The following GPATCH2 variants were observed in gnomAD, a reference collection of about 807,000 sequenced individuals.
The protein encoded by GPATCH2 is G-patch domain containing 2.
GPATCH2 carries 51 observed loss-of-function variants against 58.0 expected under a neutral mutation model. The observed-to-expected ratio is 0.88, with a 90% CI of 0.70 to 1.11. The LOEUF is 1.11. Among genes scored for constraint, GPATCH2 ranks in the 50% most tolerant of loss-of-function variants. The pLI, the probability that GPATCH2 is intolerant of heterozygous loss-of-function variation, is 0.00. For synonymous variants in GPATCH2, 222 were observed against 218.5 expected, an observed-to-expected ratio of 1.02 and a Z score of -0.14; for missense variants, 625 against 652.2, an observed-to-expected ratio of 0.96 and a Z score of 0.45.
In GPATCH2 at chr1:217,618,683, C is replaced by T. The variant is rs1669020176; in HGVS notation, c.773+1100G>A. Among the ~76,000 whole-genome samples, 4 of 152,000 alleles carry T rather than the reference C, an allele frequency of 2.6e-5. No individual in the cohort carries two copies. In the South Asian group the frequency reaches 8.3e-4, roughly 32 times the overall value. On this transcript the variant is annotated intron_variant, in intron 2 of 9. Transcript: ENST00000366935. ...AACCAAATAAAAGATTGATAGCTCA[C>T]CACAATTCACATGATTAAAATGATC...
chr1:217,615,065 T>G (rs1371107091), intron 2 of GPATCH2, among the ~76,000 whole-genome samples: 1 of 152,002 alleles, frequency 6.6e-6, no homozygotes, highest in Non-Finnish European at 1.5e-5. Flanking sequence ...ATTCTTAATT[T>G]TAACCAATCA....
chr1:217,544,827 T>A (rs1368394862), intron 5 of GPATCH2, among the ~76,000 whole-genome samples: 1 of 152,254 alleles, frequency 6.6e-6, no homozygotes, highest in African/African-American at 2.4e-5. Flanking sequence ...TACTTTTTCA[T>A]TTCCTGCCCT....
chr1:217,597,873 C>T (rs1667918882), intron 5 of GPATCH2, among the ~76,000 whole-genome samples: 1 of 152,120 alleles, frequency 6.6e-6, no homozygotes, highest in South Asian at 2.1e-4. Context: ...CATACAGATC[C>T]CCCAACCAAA....
intron 8 of GPATCH2, among the ~76,000 whole-genome samples, chr1:217,482,073 G>C (rs1184945493): frequency 6.6e-6 from 1 of 152,136 alleles, no homozygotes; most frequent in African/African-American, 2.4e-5. Flanking sequence ...GAGAGGGTCA[G>C]TATTTTGCTC....
chr1:217,510,698 A>G (rs1662802414), intron 6 of GPATCH2, among the ~76,000 whole-genome samples: 1 of 152,160 alleles, frequency 6.6e-6, no homozygotes, highest in Non-Finnish European at 1.5e-5. Flanking sequence ...TGGTTAGAGC[A>G]GTCATTTGAT....
Position 217,510,395 on chromosome 1 carries a change from G to A in GPATCH2, c.1166+4427C>T, listed in dbSNP as rs187663093. ...TTTAAAACAAAAACCAAACCAGGAT[G>A]CACATTTCTTTAAAAGTTGAAAATT... On this transcript the variant is annotated intron_variant, in intron 6 of 9. Transcript: ENST00000366935. 7.2e-3 allele frequency among the ~76,000 whole-genome samples: 1,091 copies of A among 151,590 alleles called. 14 individuals carry two copies. The highest frequency in any genetic ancestry group is 0.025 in the African/African-American group (1,041 of 41,398).
At chr1:217,606,359 T>C (rs1668360271) in intron 5 of GPATCH2, among the ~76,000 whole-genome samples, 2 of 151,796 alleles carry the variant, frequency 1.3e-5, no homozygotes, top group African/African-American at 4.8e-5. Context: ...TCACAGACCA[T>C]ATTAAAGAAA....
intron 5 of GPATCH2, among the ~76,000 whole-genome samples, chr1:217,570,152 C>T (rs1355266006): frequency 1.3e-5 from 2 of 152,252 alleles, no homozygotes; most frequent in African/African-American, 2.4e-5. Context: ...GCTCATGTTG[C>T]CCAGGCTGGA....
chr1:217,577,810 C>T (rs1042017643), intron 5 of GPATCH2, among the ~76,000 whole-genome samples: 3 of 152,086 alleles, frequency 2.0e-5, no homozygotes, highest in South Asian at 4.2e-4. Context: ...TGCAATGGTG[C>T]GATCTCAGCT....
chr1:217,589,134 G>A (rs1214598493), intron 5 of GPATCH2, among the ~76,000 whole-genome samples: 1 of 152,038 alleles, frequency 6.6e-6, no homozygotes, highest in Non-Finnish European at 1.5e-5. Flanking sequence ...ATTAGAGGTG[G>A]CTTCTCTTAT....
chr1:217,503,209 A>T (rs1571819797), intron 6 of GPATCH2, among the ~76,000 whole-genome samples: 2 of 152,244 alleles, frequency 1.3e-5, no homozygotes, highest in East Asian at 3.9e-4. Flanking sequence ...AATATAGAGA[A>T]ATCAAGTCTG....
At chr1:217,603,773 T>C (rs1377724169) in intron 5 of GPATCH2, among the ~76,000 whole-genome samples, 2 of 151,762 alleles carry the variant, frequency 1.3e-5, no homozygotes, top group Non-Finnish European at 2.9e-5. Context: ...CAGGCACATA[T>C]CACCATGCCC....
chr1:217,567,958 TA>T (rs1482406148), intron 5 of GPATCH2, among the ~76,000 whole-genome samples: 1 of 151,920 alleles, frequency 6.6e-6, no homozygotes, highest in Non-Finnish European at 1.5e-5. Flanking sequence ...CCACTAAAAA[TA>T]CAAAAAAATT....
chr1:217,447,801 T>C (rs886766363), intron 9 of GPATCH2, among the ~76,000 whole-genome samples: 2 of 152,170 alleles, frequency 1.3e-5, no homozygotes, highest in Non-Finnish European at 2.9e-5. Flanking sequence ...GGTTCCCTAA[T>C]AGAGAACGTG....
chr1:217,582,971 C>T (rs1042800685), intron 5 of GPATCH2, among the ~76,000 whole-genome samples: 1 of 152,100 alleles, frequency 6.6e-6, no homozygotes, highest in Non-Finnish European at 1.5e-5. Context: ...ATTACAAAAG[C>T]ATTTATCAGA....
intron 5 of GPATCH2, among the ~76,000 whole-genome samples, chr1:217,598,523 G>A (rs1667964442): frequency 6.6e-6 from 1 of 152,004 alleles, no homozygotes; most frequent in Non-Finnish European, 1.5e-5. Context: ...CGCAGTCTTG[G>A]TTCACTGCAA....
At chr1:217,467,698 T>TA (rs56265721) in intron 8 of GPATCH2, among the ~76,000 whole-genome samples, 14,744 of 148,194 alleles carry the variant, frequency 0.099, 1,374 homozygotes, top group African/African-American at 0.25. Flanking sequence ...GATTTTTCTT[T>TA]AAAAAAAAAA....
intron 5 of GPATCH2, among the ~76,000 whole-genome samples, chr1:217,584,344 A>AAAAGAAAAAAAAAAAAAG (rs1463910405): frequency 9.8e-6 from 1 of 101,876 alleles, no homozygotes; most frequent in Non-Finnish European, 1.9e-5. Context: ...AAAAAAAAAA[A>AAAAGAAAAAAAAAAAAAG]ATATATATAT....
intron 8 of GPATCH2, among the ~76,000 whole-genome samples, chr1:217,489,642 C>A (rs1400423256): frequency 6.6e-6 from 1 of 152,108 alleles, no homozygotes; most frequent in East Asian, 1.9e-4. Flanking sequence ...GCAAGCAGAT[C>A]ACCTGAGGTC....
Sources: gnomAD v4.1 joint callset for allele counts (sites outside exome capture counted in the v4.1 genomes callset) on GRCh38, gnomAD v4.1.1 for gene constraint, MANE v1.5 for transcripts, NCBI Gene and HGNC (gene_info 2026-07-23, HGNC 2026-07-21) for gene names.